Variants in ZNF236 observed in about 807,000 individuals in gnomAD.
ZNF236 encodes zinc finger protein 236, also known as regulated by glucose.
In ZNF236, 50 loss-of-function variants were observed where a neutral mutation model predicts 191.2. That is an observed-to-expected ratio of 0.26 (90% CI 0.21 to 0.33). The LOEUF (loss-of-function observed/expected upper bound fraction) is 0.33, where lower values mean the gene tolerates loss of function less well. Among genes scored for constraint, ZNF236 ranks in the 10% least tolerant of loss-of-function variants. ZNF236 has a pLI of 1.00. For synonymous variants in ZNF236, 907 were observed against 928.8 expected (o/e 0.98, Z 0.43); for missense variants, 1,754 against 2,374.5 (o/e 0.74, Z 5.43).
chr18:76,847,807 C>A (rs1424875575), intron 1 of ZNF236, among the ~76,000 whole-genome samples: 1 of 152,182 alleles, frequency 6.6e-6, no homozygotes, highest in Non-Finnish European at 1.5e-5. Context: ...CCTGGGAAGT[C>A]ATAAAACATT....
At chr18:76,955,617 C>A in intron 27 of ZNF236, among the ~76,000 whole-genome samples, 1 of 152,158 alleles carries the variant, frequency 6.6e-6, no homozygotes, top group African/African-American at 2.4e-5. Context: ...TGAAAGCTTG[C>A]CGTATGCAGC....
intron 1 of ZNF236, chr18:76,834,978 GTTT>G: frequency 6.9e-6 from 1 of 145,406 alleles, no homozygotes; most frequent in Non-Finnish European, 1.4e-5. Flanking sequence ...TTTATTTTCT[GTTT>G]TTTTTTTTTT....
intron 27 of ZNF236, among the ~76,000 whole-genome samples, chr18:76,948,034 C>T (rs1485006324): frequency 6.6e-6 from 1 of 152,132 alleles, no homozygotes; most frequent in Non-Finnish European, 1.5e-5. Context: ...AACACCTTTG[C>T]AGATTCTGTT....
chr18:76,922,388 A>G (rs964735755), intron 20 of ZNF236, among the ~76,000 whole-genome samples: 5 of 152,134 alleles, frequency 3.3e-5, no homozygotes, highest in Non-Finnish European at 4.4e-5. Flanking sequence ...CGTCGTTTTC[A>G]TCTGTTCTTC....
chr18:76,866,536 C>G (rs1443142512), intron 3 of ZNF236, among the ~76,000 whole-genome samples: 1 of 152,186 alleles, frequency 6.6e-6, no homozygotes, highest in African/African-American at 2.4e-5. Context: ...AGCCTTGATG[C>G]AGTCAGTACC....
chr18:76,907,553 T>A (rs1977777717), intron 13 of ZNF236, among the ~76,000 whole-genome samples: 1 of 152,190 alleles, frequency 6.6e-6, no homozygotes, highest in African/African-American at 2.4e-5. Flanking sequence ...GGCCTTGAAC[T>A]CCTGACCTCA....
chr18:76,931,431 C>A (rs1476653068), intron 25 of ZNF236, among the ~76,000 whole-genome samples: 2 of 152,196 alleles, frequency 1.3e-5, no homozygotes, highest in Non-Finnish European at 2.9e-5. Flanking sequence ...TGTTACCAAC[C>A]AATCGATGAT....
chr18:76,859,231 G>A (rs545977653), intron 3 of ZNF236, among the ~76,000 whole-genome samples: 2 of 143,052 alleles, frequency 1.4e-5, no homozygotes, highest in East Asian at 4.2e-4. Context: ...GAGGAGAAAG[G>A]GGGAGAGGGC....
chr18:76,834,207 T>C (rs376264856), intron 1 of ZNF236, among the ~76,000 whole-genome samples: 7 of 152,244 alleles, frequency 4.6e-5, no homozygotes, highest in African/African-American at 1.4e-4. Flanking sequence ...TCCCTGATGG[T>C]GGAGATTGTG....
Position 76,970,244 on chromosome 18 carries a change from A to G in ZNF236, c.*1905A>G, listed in dbSNP as rs540869368. On this transcript the variant is annotated 3_prime_UTR_variant, in exon 31 of 31. Coordinates refer to ENST00000320610, the MANE Select transcript of ZNF236 (RefSeq NM_001306089.2). Reference sequence around the variant, plus strand: ...TTATTTATTTTGATTTTAGCATTAAATGTCATCTCAGGACATCTCTAAAAG... The same window carrying G: ...TTATTTATTTTGATTTTAGCATTAAGTGTCATCTCAGGACATCTCTAAAAG... 1 of 152,802 alleles carries G rather than the reference A, an allele frequency of 6.5e-6. No homozygotes were observed. Among genetic ancestry groups the G allele is most frequent in the South Asian group, 2.1e-4 (1 of 4,834 alleles). The allele number at this position is 152,802 out of a possible 1,614,324, so 9.5% of individuals were successfully genotyped here. A position where few individuals can be genotyped will look rare whatever the true frequency, so the allele number is the denominator to read the frequency against.
intron 25 of ZNF236, among the ~76,000 whole-genome samples, chr18:76,936,681 G>T (rs958467255): frequency 6.6e-6 from 1 of 152,248 alleles, no homozygotes; most frequent in South Asian, 2.1e-4. Flanking sequence ...TCAGGAGCTA[G>T]TTATTCCTCA....
chr18:76,888,073 AAAAG>A (rs1977111430), intron 9 of ZNF236: 1 of 152,076 alleles, frequency 6.6e-6, no homozygotes, highest in African/African-American at 2.4e-5. Flanking sequence ...AAAAAAAAAA[AAAAG>A]CATAAAAAAC....
At chr18:76,876,239 A>G (rs569727020) in intron 6 of ZNF236, among the ~76,000 whole-genome samples, 15 of 152,184 alleles carry the variant, frequency 9.9e-5, no homozygotes, top group East Asian at 1.9e-4. Flanking sequence ...AAGCAGGTCA[A>G]CCTTTGCTCT....
At chr18:76,933,469 G>GA (rs535282099) in intron 25 of ZNF236, among the ~76,000 whole-genome samples, 28 of 125,884 alleles carry the variant, frequency 2.2e-4, no homozygotes, top group East Asian at 2.2e-4. Flanking sequence ...GTCTCAAGAA[G>GA]AAAAAAAAAA....
intron 19 of ZNF236, among the ~76,000 whole-genome samples, chr18:76,918,894 CAAG>C (rs1967456141): frequency 6.6e-6 from 1 of 151,748 alleles, no homozygotes; most frequent in Non-Finnish European, 1.5e-5. Context: ...TGAATAATAA[CAAG>C]AAAAAAAGGA....
chr18:76,934,064 T>C (rs1967930883), intron 25 of ZNF236, among the ~76,000 whole-genome samples: 1 of 152,228 alleles, frequency 6.6e-6, no homozygotes. Flanking sequence ...ATAATGAATA[T>C]GTATATGGCT....
chr18:76,947,700 A>G lies in ZNF236; in HGVS notation c.4914+48A>G, dbSNP rs768212733. 4 of 1,595,026 alleles carry G rather than the reference A, an allele frequency of 2.5e-6. No homozygotes were observed. In the African/African-American group the frequency reaches 4.0e-5, roughly 16 times the overall value. On this transcript the variant is annotated intron_variant, in intron 27 of 30. Transcript: ENST00000320610. ...CAGAGCTTTTGTCGCTTTTAAAAAC[A>G]TACAGATTCAGAAGGGATGGTGGTA...
In ZNF236 at chr18:76,875,707, A is replaced by G. The variant is rs775425506; in HGVS notation, c.840+43A>G. ...GCATAAGCGGTATTTCACAGGGGAC[A>G]GTAGGTATCTTTTGGGTTAATAAAC... is the stretch of plus-strand genomic sequence containing the variant. On this transcript the variant is annotated intron_variant, in intron 6 of 30. Transcript: ENST00000320610. The surrounding 1 kb of genome is among the most constrained non-coding windows in gnomAD (Gnocchi z 4.3). 3 of 1,402,930 alleles carry G rather than the reference A, an allele frequency of 2.1e-6. No individual in the cohort carries two copies. The highest frequency in any genetic ancestry group is 1.8e-5 in the South Asian group (1 of 55,790). The allele number at this position is 1,402,930 out of a possible 1,614,324, so 86.9% of individuals were successfully genotyped here. A position where few individuals can be genotyped will look rare whatever the true frequency, so the allele number is the denominator to read the frequency against.
intron 7 of ZNF236, among the ~76,000 whole-genome samples, chr18:76,878,529 T>G (rs559725741): frequency 2.2e-4 from 34 of 152,320 alleles, no homozygotes; most frequent in African/African-American, 6.5e-4. Context: ...GTCTTTGGAC[T>G]TTTGAAACTA....
Sources: gnomAD v4.1 joint callset for allele counts (sites outside exome capture counted in the v4.1 genomes callset) on GRCh38, gnomAD v4.1.1 for gene constraint, Gnocchi (gnomAD v3.1) non-coding constraint, MANE v1.5 for transcripts, NCBI Gene and HGNC (gene_info 2026-07-23, HGNC 2026-07-21) for gene names.